HECW1: variants seen among roughly 807,000 people sequenced by gnomAD.
The protein encoded by HECW1 is HECT, C2 and WW domain containing E3 ubiquitin protein ligase 1.
Under a neutral mutation model 182.3 loss-of-function variants are expected in HECW1, and 61 were observed. The ratio of observed to expected loss-of-function variants is 0.33; its 90% confidence interval spans 0.27 to 0.41. HECW1 has a LOEUF of 0.41. Ranked by LOEUF, HECW1 falls within the 10% of genes least tolerant of loss-of-function variation. The pLI is 1.00. For synonymous variants in HECW1, 859 were observed against 832.6 expected (o/e 1.03, Z -0.55); for missense variants, 1,739 against 2,108.9 (o/e 0.82, Z 3.44).
chr7:43,212,326 C>T (rs1796073460), intron 2 of HECW1, among the ~76,000 whole-genome samples: 1 of 152,096 alleles, frequency 6.6e-6, no homozygotes, highest in South Asian at 2.1e-4. Flanking sequence ...AGTCATTTGC[C>T]ATCTTATAAA....
At chr7:43,345,677 A>G (rs1235069868) in intron 5 of HECW1, among the ~76,000 whole-genome samples, 1 of 152,016 alleles carries the variant, frequency 6.6e-6, no homozygotes, top group Admixed American at 6.6e-5. Flanking sequence ...GAGAACATGC[A>G]ATGTTTGATT....
chr7:43,533,278 A>G (rs183511406), intron 24 of HECW1, among the ~76,000 whole-genome samples: 2 of 152,156 alleles, frequency 1.3e-5, no homozygotes, highest in Non-Finnish European at 2.9e-5. Flanking sequence ...TAACCCATGC[A>G]AGTCCTGGTC....
intron 2 of HECW1, among the ~76,000 whole-genome samples, chr7:43,203,252 C>A (rs1795175281): frequency 6.6e-6 from 1 of 152,196 alleles, no homozygotes; most frequent in African/African-American, 2.4e-5. Context: ...GTGATAGCTG[C>A]AACATGCTAC....
At chr7:43,394,493 AT>A (rs1217991939) in intron 6 of HECW1, among the ~76,000 whole-genome samples, 17 of 152,360 alleles carry the variant, frequency 1.1e-4, no homozygotes, top group East Asian at 5.8e-4. Flanking sequence ...AACTGGGAGA[AT>A]AAGAGTTAAG....
chr7:43,135,110 A>G (rs933011494), intron 2 of HECW1, among the ~76,000 whole-genome samples: 3 of 152,048 alleles, frequency 2.0e-5, no homozygotes, highest in Admixed American at 6.6e-5. Context: ...TTATCTATCT[A>G]CCAATATCTT....
At chr7:43,239,425 G>A (rs538754566) in intron 2 of HECW1, among the ~76,000 whole-genome samples, 11 of 152,288 alleles carry the variant, frequency 7.2e-5, no homozygotes, top group African/African-American at 2.2e-4. Flanking sequence ...TTCATGTACC[G>A]GGTTGGTTGG....
At chr7:43,489,189 T>C (rs1563047842) in intron 17 of HECW1, among the ~76,000 whole-genome samples, 1 of 152,172 alleles carries the variant, frequency 6.6e-6, no homozygotes, top group Non-Finnish European at 1.5e-5. Flanking sequence ...GATCTGGCTG[T>C]TTCCCCAGTT....
In HECW1 at chr7:43,352,157, C is replaced by G. The variant is rs981572222; in HGVS notation, c.461-8729C>G. 2.0e-5 allele frequency among the ~76,000 whole-genome samples: 3 copies of G among 152,134 alleles called. No individual in the cohort carries two copies. In the South Asian group the frequency reaches 6.2e-4, roughly 32 times the overall value. Reference sequence around the variant, plus strand: ...GTTTTCATGTTCTGTATCTTGACCTCATTATTTTATTTTCCACTGCCTTGC... The same window carrying G: ...GTTTTCATGTTCTGTATCTTGACCTGATTATTTTATTTTCCACTGCCTTGC... On this transcript the variant is annotated intron_variant, in intron 5 of 29. Transcript: ENST00000395891.
chr7:43,299,507 A>T (rs1282993798), intron 3 of HECW1, among the ~76,000 whole-genome samples: 1 of 152,218 alleles, frequency 6.6e-6, no homozygotes, highest in Non-Finnish European at 1.5e-5. Flanking sequence ...AAAGGTTCCA[A>T]GTTTAGTCCT....
chr7:43,418,590 A>G (rs2076086844), intron 8 of HECW1, among the ~76,000 whole-genome samples: 1 of 151,968 alleles, frequency 6.6e-6, no homozygotes, highest in African/African-American at 2.4e-5. Context: ...TATAAACTCC[A>G]TTCTACTATT....
Position 43,324,522 on chromosome 7 carries a change from A to G in HECW1, c.460+3780A>G, listed in dbSNP as rs532659466. 1.9e-4 allele frequency among the ~76,000 whole-genome samples: 29 copies of G among 152,320 alleles called. No individual in the cohort carries two copies. In the South Asian group the frequency reaches 6.0e-3, roughly 32 times the overall value. ...GAGATTGGCTCTACGAAACGTTCTC[A>G]TATGGCTATCCTTCCCTAACACATC... On this transcript the variant is annotated intron_variant, in intron 5 of 29. Transcript: ENST00000395891.
At chr7:43,468,461 C>T (rs567070768) in intron 15 of HECW1, among the ~76,000 whole-genome samples, 1 of 151,784 alleles carries the variant, frequency 6.6e-6, no homozygotes, top group East Asian at 1.9e-4. Flanking sequence ...GCACAGCACT[C>T]AGGTGGAACG....
rs1313057919 is a variant in HECW1 at position 43,336,124 on chromosome 7, T to TTCTTTCTCTC, written c.460+15385_460+15386insTTCTCTCTCT. Among the ~76,000 whole-genome samples, 599 of 64,126 alleles carry TTCTTTCTCTC rather than the reference T, an allele frequency of 9.3e-3. 27 individuals are homozygous for TTCTTTCTCTC. Among genetic ancestry groups the TTCTTTCTCTC allele is most frequent in the South Asian group, 0.023 (38 of 1,644 alleles). 42.1% of individuals were successfully genotyped at this position (64,126 alleles called of 152,430 possible). ...CTTTCTTCTTTCTTTCTTTCTTTCT[T>TTCTTTCTCTC]TCTCTCTCTCTCTCTCTCTTTCTCT... On this transcript the variant is annotated intron_variant, in intron 5 of 29. Transcript: ENST00000395891.
chr7:43,334,224 G>A lies in HECW1; in HGVS notation c.460+13482G>A, dbSNP rs1200556515. On this transcript the variant is annotated intron_variant, in intron 5 of 29. Coordinates refer to ENST00000395891, the MANE Select transcript of HECW1 (RefSeq NM_015052.5). ...CATCTTATCTACCCAGGACCAATTC[G>A]GAGGTCACTCTCAGGACTTTCTGAC... is the stretch of plus-strand genomic sequence containing the variant. Among the ~76,000 whole-genome samples, 10 of 152,112 alleles carry A rather than the reference G, an allele frequency of 6.6e-5. 1 individual carries two copies. Among genetic ancestry groups the A allele is most frequent in the African/African-American group, 1.9e-4 (8 of 41,410 alleles).
intron 24 of HECW1, among the ~76,000 whole-genome samples, chr7:43,525,732 T>C (rs981894064): frequency 7.2e-5 from 11 of 152,176 alleles, no homozygotes; most frequent in Admixed American, 7.2e-4. Context: ...AGGAATATCA[T>C]TGTGAACGAT....
intron 6 of HECW1, among the ~76,000 whole-genome samples, chr7:43,361,692 GA>G (rs1271808600): frequency 1.3e-5 from 2 of 152,000 alleles, no homozygotes; most frequent in Non-Finnish European, 2.9e-5. Context: ...TGATTAGGCT[GA>G]AATGCACTGA....
Position 43,552,393 on chromosome 7 carries a change from CA to C in HECW1, c.4510+61del. ...ATCACAAATAGAACTCAGCACTTTC[CA>C]AAAGATTGTTTTGTTGAGGTGAAAT... On this transcript the variant is annotated intron_variant, in intron 28 of 29. Coordinates refer to ENST00000395891, the MANE Select transcript of HECW1 (RefSeq NM_015052.5). 3 of 1,103,876 alleles carry C rather than the reference CA, an allele frequency of 2.7e-6. No homozygotes were observed. In the South Asian group the frequency reaches 3.7e-5, roughly 14 times the overall value. The allele number at this position is 1,103,876 out of a possible 1,614,324, so 68.4% of individuals were successfully genotyped here.
chr7:43,468,895 C>T, intron 15 of HECW1, 25 bp from the exon 16 acceptor site: 9 of 1,611,640 alleles, frequency 5.6e-6, no homozygotes, highest in Non-Finnish European at 7.6e-6. Context: ...CCACTCCTTA[C>T]CCCGTCCGCC....
At chr7:43,348,896 C>G (rs1814028463) in intron 5 of HECW1, among the ~76,000 whole-genome samples, 1 of 152,064 alleles carries the variant, frequency 6.6e-6, no homozygotes, top group South Asian at 2.1e-4. Context: ...TTTCAGTTTT[C>G]TTAAATTTAT....
Sources: allele counts gnomAD v4.1 joint callset (sites outside exome capture counted in the v4.1 genomes callset), GRCh38; gene constraint gnomAD v4.1.1; transcripts MANE v1.5; gene names NCBI Gene and HGNC (gene_info 2026-07-23, HGNC 2026-07-21).